Variants in SPOCK3 observed in about 807,000 individuals in gnomAD.
SPOCK3 encodes the protein testican-3.
Under a neutral mutation model 56.6 loss-of-function variants are expected in SPOCK3, and 30 were observed. That is an observed-to-expected ratio of 0.53 (90% CI 0.40 to 0.72). The LOEUF (loss-of-function observed/expected upper bound fraction) is 0.72, where lower values mean the gene tolerates loss of function less well. SPOCK3 is among the 30% of genes least tolerant of loss of function. SPOCK3 has a pLI of 0.00. For missense variants in SPOCK3, 527 were observed against 530.0 expected (o/e 0.99, Z 0.06); for synonymous variants, 196 against 183.3 (o/e 1.07, Z -0.56).
intron 3 of SPOCK3, among the ~76,000 whole-genome samples, chr4:167,052,891 G>A (rs1434787763): frequency 6.6e-6 from 1 of 152,176 alleles, no homozygotes; most frequent in African/African-American, 2.4e-5. Context: ...ATTTTAAGAA[G>A]AGGAAGCTAA....
chr4:167,018,458 AAAT>A (rs1340161807), intron 3 of SPOCK3, among the ~76,000 whole-genome samples: 3 of 152,160 alleles, frequency 2.0e-5, no homozygotes, highest in Non-Finnish European at 2.9e-5. Flanking sequence ...TCCACTCACT[AAAT>A]ATGGTTTGTG....
intron 2 of SPOCK3, among the ~76,000 whole-genome samples, chr4:167,101,487 T>C (rs1159885025): frequency 6.6e-6 from 1 of 151,996 alleles, no homozygotes; most frequent in Non-Finnish European, 1.5e-5. Flanking sequence ...AATGTATGGT[T>C]CTCTACATAC....
At chr4:166,845,319 T>C (rs1747947739) in intron 6 of SPOCK3, among the ~76,000 whole-genome samples, 1 of 152,206 alleles carries the variant, frequency 6.6e-6, no homozygotes, top group African/African-American at 2.4e-5. Flanking sequence ...TAATACATGT[T>C]TATTAATGTA....
At chr4:166,792,802 A>C (rs182342824) in intron 6 of SPOCK3, among the ~76,000 whole-genome samples, 1 of 152,262 alleles carries the variant, frequency 6.6e-6, no homozygotes, top group East Asian at 1.9e-4. Context: ...TAAGCACAGA[A>C]AAGAAACAGC....
At chr4:167,223,731 C>T (rs1736303930) in intron 2 of SPOCK3, among the ~76,000 whole-genome samples, 1 of 152,062 alleles carries the variant, frequency 6.6e-6, no homozygotes, top group South Asian at 2.1e-4. Context: ...AGGAAGATCA[C>T]TTGAGCCTAG....
chr4:167,059,305 GA>G (rs1335866208), intron 3 of SPOCK3, among the ~76,000 whole-genome samples: 2 of 151,840 alleles, frequency 1.3e-5, no homozygotes, highest in Non-Finnish European at 2.9e-5. Flanking sequence ...AAATTTACAA[GA>G]AAAAAACAAA....
At chr4:166,845,665 C>G (rs1747984399) in intron 6 of SPOCK3, among the ~76,000 whole-genome samples, 1 of 152,078 alleles carries the variant, frequency 6.6e-6, no homozygotes, top group South Asian at 2.1e-4. Flanking sequence ...TTGTAATTAC[C>G]AAGCAATAGT....
At chr4:167,119,256 C>G (rs1026199474) in intron 2 of SPOCK3, among the ~76,000 whole-genome samples, 1 of 151,976 alleles carries the variant, frequency 6.6e-6, no homozygotes, top group African/African-American at 2.4e-5. Flanking sequence ...GGAATGTAGG[C>G]TCTAAGAGAG....
intron 2 of SPOCK3, among the ~76,000 whole-genome samples, chr4:167,178,349 C>G (rs374459680): frequency 2.0e-5 from 3 of 152,110 alleles, no homozygotes; most frequent in Non-Finnish European, 2.9e-5. Flanking sequence ...ATATAAATAA[C>G]AATTTTCACT....
rs1449194434 is a variant in SPOCK3, at chr4:166,951,213, G to T, written c.351-38470C>A. 5.6e-5 allele frequency among the ~76,000 whole-genome samples: 8 copies of T among 142,272 alleles called. 1 individual carries two copies. Among genetic ancestry groups the T allele is most frequent in the Non-Finnish European group, 1.2e-4 (8 of 66,678 alleles). The allele number at this position is 142,272 out of a possible 152,430, so 93.3% of individuals were successfully genotyped here. ...GCAAGACTAATAAAAAAAGAGAGAA[G>T]AATCAAATAGATGCAATAAAAAATG... On this transcript the variant is annotated intron_variant, in intron 4 of 10. Transcript: ENST00000357545.
intron 6 of SPOCK3, among the ~76,000 whole-genome samples, chr4:166,881,710 CT>C (rs35208737): frequency 6.6e-6 from 1 of 152,036 alleles, no homozygotes; most frequent in African/African-American, 2.4e-5. Context: ...TCCTCCTAGA[CT>C]TTTTTAAGCT....
At chr4:167,034,803 C>T (rs1752595719) in intron 3 of SPOCK3, among the ~76,000 whole-genome samples, 1 of 152,156 alleles carries the variant, frequency 6.6e-6, no homozygotes, top group South Asian at 2.1e-4. Context: ...AATTAATCAA[C>T]AATAATGTAC....
intron 6 of SPOCK3, among the ~76,000 whole-genome samples, chr4:166,843,378 G>A (rs949041338): frequency 3.9e-5 from 6 of 152,256 alleles, no homozygotes; most frequent in Non-Finnish European, 8.8e-5. Flanking sequence ...CAAAGGTGAA[G>A]GGATCTTGCA....
chr4:167,061,064 A>G (rs1293111033), intron 3 of SPOCK3, among the ~76,000 whole-genome samples: 1 of 152,066 alleles, frequency 6.6e-6, no homozygotes, highest in Non-Finnish European at 1.5e-5. Context: ...AAAGCAAATC[A>G]ATCTTGTATC....
intron 4 of SPOCK3, among the ~76,000 whole-genome samples, chr4:166,949,624 G>C (rs1742262215): frequency 6.6e-6 from 1 of 152,058 alleles, no homozygotes; most frequent in South Asian, 2.1e-4. Context: ...CTGTTTGCCT[G>C]GGTATCCACA....
At chr4:167,117,860 A>G (rs1391286751) in intron 2 of SPOCK3, among the ~76,000 whole-genome samples, 1 of 152,178 alleles carries the variant, frequency 6.6e-6, no homozygotes, top group Non-Finnish European at 1.5e-5. Context: ...CTAAAATGCA[A>G]CAAAGCTTAA....
At chr4:166,740,515 T>G (rs1452075222) in intron 9 of SPOCK3, among the ~76,000 whole-genome samples, 1 of 56,476 alleles carries the variant, frequency 1.8e-5, no homozygotes, top group African/African-American at 9.5e-5. Context: ...ATTATTATTA[T>G]TATTATTATT....
intron 2 of SPOCK3, among the ~76,000 whole-genome samples, chr4:167,224,832 A>G (rs1381741410): frequency 6.6e-6 from 1 of 151,974 alleles, no homozygotes; most frequent in Non-Finnish European, 1.5e-5. Context: ...ACACTCAGCT[A>G]ATTTTTGTGT....
chr4:166,860,702 T>C (rs1295323368), intron 6 of SPOCK3, among the ~76,000 whole-genome samples: 1 of 150,286 alleles, frequency 6.7e-6, no homozygotes, highest in African/African-American at 2.5e-5. Flanking sequence ...TAAGGGTTAA[T>C]AAGTAGATGA....
Sources: allele counts gnomAD v4.1 joint callset (sites outside exome capture counted in the v4.1 genomes callset), GRCh38; gene constraint gnomAD v4.1.1; transcripts MANE v1.5; gene names NCBI Gene and HGNC (gene_info 2026-07-23, HGNC 2026-07-21).